The following ZNF69 variants were observed in gnomAD, a reference collection of about 807,000 sequenced individuals.
ZNF69 encodes ZNF3.
A neutral mutation model predicts 50.9 loss-of-function variants in ZNF69; 47 were observed. That is an observed-to-expected ratio of 0.92 (90% confidence interval 0.73 to 1.18). The LOEUF is 1.18. Ranked by LOEUF, ZNF69 falls within the 50% of genes most tolerant of loss-of-function variation. The pLI, the probability that ZNF69 is intolerant of heterozygous loss-of-function variation, is 0.00. For missense variants in ZNF69, 717 were observed against 675.1 expected, an observed-to-expected ratio of 1.06 and a Z score of -0.69; for synonymous variants, 216 against 223.1, an observed-to-expected ratio of 0.97 and a Z score of 0.29.
the ZNF69 span, among the ~76,000 whole-genome samples, chr19:11,936,590 C>T: frequency 1.3e-5 from 2 of 151,996 alleles, no homozygotes; most frequent in Admixed American, 6.6e-5. Flanking sequence ...GGATATTAGT[C>T]GTTTGTTGGA....
chr19:11,958,797 C>T, the ZNF69 span, among the ~76,000 whole-genome samples: 2 of 152,144 alleles, frequency 1.3e-5, no homozygotes, highest in Non-Finnish European at 2.9e-5. Context: ...GAGCTGCCTC[C>T]GTTTTGTTTC....
At chr19:11,948,233 C>T in the ZNF69 span, 1 of 1,585,594 alleles carries the variant, frequency 6.3e-7, no homozygotes, top group African/African-American at 1.4e-5. Context: ...TATAGAAGTA[C>T]TTGTAAACAA....
chr19:11,925,146 G>A, the ZNF69 span: 1 of 1,594,932 alleles, frequency 6.3e-7, no homozygotes, highest in Admixed American at 1.7e-5. Flanking sequence ...TTGGTAACCG[G>A]TCAGACCAGC....
At chr19:11,956,950 CAG>C in the ZNF69 span, among the ~76,000 whole-genome samples, 1 of 152,152 alleles carries the variant, frequency 6.6e-6, no homozygotes, top group Non-Finnish European at 1.5e-5. Flanking sequence ...TTTATACTGA[CAG>C]AACCTCAGAT....
At chr19:11,963,088 A>AGTGTGTGTGTGTGTGTGT in the ZNF69 span, among the ~76,000 whole-genome samples, 1 of 138,246 alleles carries the variant, frequency 7.2e-6, no homozygotes, top group African/African-American at 3.0e-5. Flanking sequence ...AGAGAGAGAG[A>AGTGTGTGTGTGTGTGTGT]GTGTGTGTGT....
the ZNF69 span, among the ~76,000 whole-genome samples, chr19:11,972,816 A>G: frequency 6.6e-6 from 1 of 152,014 alleles, no homozygotes; most frequent in African/African-American, 2.4e-5. Flanking sequence ...GACTGGCCAG[A>G]TGCTGTGCCT....
In ZNF69 at chr19:11,903,665, G is replaced by A. The variant is rs1261764012; in HGVS notation, c.156G>A (p.Val52=). 5.0e-6 allele frequency: 8 copies of A among 1,614,002 alleles called. No individual in the cohort carries two copies. Among genetic ancestry groups the A allele is most frequent in the Non-Finnish European group, 6.8e-6 (8 of 1,179,998 alleles). The change falls in exon 2 of 4, where the codon GTG becomes GTA. Residue 52 remains valine (V), a synonymous_variant. Transcript: ENST00000429654. ...DISQRKLYKE[V]MLETFRNLTS... is the part of the protein sequence containing the mutation. ...CCCAGAGGAAACTCTACAAGGAAGT[G>A]ATGCTGGAAACTTTCAGGAACCTGA...
At chr19:11,974,657 C>A in the ZNF69 span, among the ~76,000 whole-genome samples, 1 of 151,820 alleles carries the variant, frequency 6.6e-6, no homozygotes, top group African/African-American at 2.4e-5. Context: ...GGCTGGAGTG[C>A]GGGGGCATGA....
chr19:11,890,528 T>A (rs183589098), intron 1 of ZNF69, among the ~76,000 whole-genome samples: 1 of 152,344 alleles, frequency 6.6e-6, no homozygotes, highest in East Asian at 1.9e-4. Context: ...TTTTTGTTAG[T>A]ACATACCAAA....
chr19:11,919,036 C>T (rs924261776), downstream of ZNF69, among the ~76,000 whole-genome samples: 5 of 152,002 alleles, frequency 3.3e-5, no homozygotes, highest in African/African-American at 9.7e-5. Context: ...GCTGGGACTA[C>T]AGGCGCCCGC....
the ZNF69 span, among the ~76,000 whole-genome samples, chr19:11,946,109 G>T: frequency 3.9e-5 from 6 of 152,156 alleles, no homozygotes; most frequent in Non-Finnish European, 8.8e-5. Context: ...TAGTCCAGTA[G>T]CCCTTCTGCC....
chr19:11,903,430 G>T, intron 1 of ZNF69, 143 bp from the exon 2 acceptor site: 3 of 1,402,332 alleles, frequency 2.1e-6, no homozygotes, highest in African/African-American at 1.4e-5. Context: ...TTGCTTTATG[G>T]AAGAAAGTAA....
the ZNF69 span, chr19:11,949,715 A>C: frequency 6.2e-7 from 1 of 1,614,056 alleles, no homozygotes; most frequent in Non-Finnish European, 8.5e-7. Context: ...GAGAAACCCT[A>C]TGAGTGTAAG....
At chr19:11,934,856 A>G in the ZNF69 span, among the ~76,000 whole-genome samples, 2 of 146,382 alleles carry the variant, frequency 1.4e-5, no homozygotes, top group East Asian at 2.0e-4. Flanking sequence ...ATGACACGTG[A>G]TGTAGAGCAT....
In ZNF69 at chr19:11,905,802, G is replaced by T. The variant is rs575886687; in HGVS notation, c.1405G>T (p.Val469Leu). 9.3e-6 allele frequency: 15 copies of T among 1,610,976 alleles called. No individual in the cohort carries two copies. The South Asian group carries it at 1.4e-4, about 15-fold the overall frequency. ...LQSHERTQTH[V>L]RIHSGERPYK... ...AAGTCATGAAAGGACACAAACACAC[G>T]TAAGAATACACTCTGGAGAAAGACC... The change falls in exon 4 of 4, where the codon GTA (valine) becomes TTA (leucine). Residue 469 changes from valine to leucine, a missense_variant. Transcript: ENST00000429654.
the ZNF69 span, among the ~76,000 whole-genome samples, chr19:11,942,650 G>A: frequency 3.3e-5 from 5 of 152,202 alleles, no homozygotes; most frequent in African/African-American, 1.2e-4. Flanking sequence ...AAACAAGGAT[G>A]GAGTGTGTAA....
chr19:11,942,831 T>G, the ZNF69 span, among the ~76,000 whole-genome samples: 1 of 152,232 alleles, frequency 6.6e-6, no homozygotes, highest in Non-Finnish European at 1.5e-5. Context: ...TGATCTCATT[T>G]CTGCCTTCCT....
the ZNF69 span, among the ~76,000 whole-genome samples, chr19:11,945,063 C>T: frequency 6.6e-6 from 1 of 152,272 alleles, no homozygotes; most frequent in Non-Finnish European, 1.5e-5. Context: ...CAGGGCCCCA[C>T]AGTCTGGGTT....
the ZNF69 span, among the ~76,000 whole-genome samples, chr19:11,963,697 A>T: frequency 5.3e-5 from 8 of 151,298 alleles, no homozygotes; most frequent in Admixed American, 4.6e-4. Context: ...TCCCATGGAA[A>T]CCGCCCGACT....
Sources: allele counts gnomAD v4.1 joint callset (sites outside exome capture counted in the v4.1 genomes callset), GRCh38; gene constraint gnomAD v4.1.1; transcripts MANE v1.5; gene names NCBI Gene and HGNC (gene_info 2026-07-23, HGNC 2026-07-21).